The following AMOTL2 variants were observed in gnomAD, a reference collection of about 807,000 sequenced individuals.
The protein encoded by AMOTL2 is angiomotin like 2.
A neutral mutation model predicts 78.4 loss-of-function variants in AMOTL2; 33 were observed. The observed-to-expected ratio is 0.42, with a 90% CI of 0.32 to 0.56. The LOEUF (loss-of-function observed/expected upper bound fraction) is 0.56, where lower values mean the gene tolerates loss of function less well. Among genes scored for constraint, AMOTL2 ranks in the 20% least tolerant of loss-of-function variants. AMOTL2 has a pLI of 0.12. For synonymous variants in AMOTL2, 422 were observed against 428.8 expected, an observed-to-expected ratio of 0.98 and a Z score of 0.20; for missense variants, 983 against 1,030.1, an observed-to-expected ratio of 0.95 and a Z score of 0.63.
rs549894191 is a variant in AMOTL2 at position 134,367,726 on chromosome 3, T to C, written c.812A>G (p.His271Arg). 2 of 1,611,824 alleles carry C rather than the reference T, an allele frequency of 1.2e-6. No individual in the cohort carries two copies. The highest frequency in any genetic ancestry group is 1.7e-5 in the Admixed American group (1 of 59,824). Residue 271 changes from histidine to arginine, a missense_variant, in exon 3 of 10, where the codon CAC becomes CGC. Coordinates refer to ENST00000249883, the MANE Select transcript of AMOTL2 (RefSeq NM_016201.4). ...QYQYLQQSQEHPPPPHPAALG... is the reference protein window; with the variant it reads ...QYQYLQQSQERPPPPHPAALG... ...AGCAGCTGGATGTGGGGGAGGGGGG[T>C]GCTCCTGAGATTGCTGCAGGTACTG...
In AMOTL2 at chr3:134,357,767, G is replaced by T. The variant is rs763549585; in HGVS notation, c.2285-4C>A. ...ACTCTGGATGTAGCTACAGAGTCTG[G>T]AGACAGACAAGAACACAGGCACATG... is the stretch of plus-strand genomic sequence containing the variant. On this transcript the variant is annotated splice_polypyrimidine_tract_variant and splice_region_variant and intron_variant, in intron 9 of 9. Coordinates refer to ENST00000249883, the MANE Select transcript of AMOTL2 (RefSeq NM_016201.4). 6.2e-7 allele frequency: 1 copy of T among 1,614,098 alleles called. No individual in the cohort carries two copies. The highest frequency in any genetic ancestry group is 8.5e-7 in the Non-Finnish European group (1 of 1,179,952).
Position 134,357,292 on chromosome 3 carries a change from G to T in AMOTL2, c.*413C>A. On this transcript the variant is annotated 3_prime_UTR_variant, in exon 10 of 10. Transcript: ENST00000249883. ...CTTGATTAGTGAACCAGTCCACCTG[G>T]TGTCCACGGGCAGCCGTCCGTGGAA... 4.7e-6 allele frequency: 1 copy of T among 210,790 alleles called. No individual in the cohort carries two copies. Among genetic ancestry groups the T allele is most frequent in the Admixed American group, 5.1e-5 (1 of 19,778 alleles). 13.1% of individuals were successfully genotyped at this position (210,790 alleles called of 1,614,324 possible).
upstream of AMOTL2, chr3:134,374,528 G>A (rs2018015539): frequency 2.0e-6 from 2 of 985,516 alleles, no homozygotes; most frequent in Non-Finnish European, 2.4e-6. Flanking sequence ...GAGAGTTTCA[G>A]GTTCCCCCTC....
At chr3:134,361,109 A>T (rs2017338142) in intron 6 of AMOTL2, among the ~76,000 whole-genome samples, 1 of 152,018 alleles carries the variant, frequency 6.6e-6, no homozygotes, top group Admixed American at 6.5e-5. Context: ...GGGAGGTGGA[A>T]GTTGCAGTGA....
rs952211256 is a variant in AMOTL2, at chr3:134,374,428, G to A, written c.-148C>T. 4 of 985,308 alleles carry A rather than the reference G, an allele frequency of 4.1e-6. No individual in the cohort carries two copies. Among genetic ancestry groups the A allele is most frequent in the Admixed American group, 6.1e-5 (1 of 16,266 alleles). The allele number at this position is 985,308 out of a possible 1,614,324, so 61.0% of individuals were successfully genotyped here. On this transcript the variant is annotated 5_prime_UTR_variant, in exon 1 of 10. Transcript: ENST00000249883. ...AGCTCGGCGGCGAAGATGTGTTCTC[G>A]GCCGTGGCGCCGACGCTCTGGCTGT...
In AMOTL2 at chr3:134,367,618, C is replaced by A. The variant is rs762907830; in HGVS notation, c.920G>T (p.Gly307Val). ...VSAQASSATSGSAHLAQMEAV... is the reference protein window; with the variant it reads ...VSAQASSATSVSAHLAQMEAV... ...CTCCATCTGGGCCAGGTGGGCACTG[C>A]CCGAGGTGGCTGAGGAGGCCTGGGC... Residue 307 changes from glycine to valine, a missense_variant, in exon 3 of 10, where the codon GGC becomes GTC. Physicochemically the swap from Gly to Val is moderately radical, Grantham distance 109 (BLOSUM62 -3). Transcript: ENST00000249883. 6.2e-7 allele frequency: 1 copy of A among 1,613,440 alleles called. No individual in the cohort carries two copies. The highest frequency in any genetic ancestry group is 1.1e-5 in the South Asian group (1 of 91,062).
chr3:134,360,407 C>T lies in AMOTL2; in HGVS notation c.1582G>A (p.Ala528Thr), dbSNP rs781416079. The change falls in exon 7 of 10, where the codon GCA (alanine) becomes ACA (threonine). Residue 528 changes from alanine to threonine, a missense_variant. Physicochemically the swap from Ala to Thr is moderately conservative, Grantham distance 58. Coordinates refer to ENST00000249883, the MANE Select transcript of AMOTL2 (RefSeq NM_016201.4). The part of the protein sequence containing the change: ...LKALRAQQRQ[A>T]GAPGGSSGSG... ...CCACTGCTACCACCTGGGGCACCTGCCTGTCTCTGCAGAGCAAGGAGTAGA... is the reference window on the plus strand; with the variant it reads ...CCACTGCTACCACCTGGGGCACCTGTCTGTCTCTGCAGAGCAAGGAGTAGA... 6.2e-7 allele frequency: 1 copy of T among 1,610,390 alleles called. No homozygotes were observed. The highest frequency in any genetic ancestry group is 8.5e-7 in the Non-Finnish European group (1 of 1,178,182).
chr3:134,374,901 C>CTGTGTGTGTGTGTG (rs749884597), upstream of AMOTL2: 6 of 1,170,150 alleles, frequency 5.1e-6, no homozygotes, highest in African/African-American at 5.4e-5. Context: ...GGGACTCCGG[C>CTGTGTGTGTGTGTG]TGTGTGTGTG....
At position 134,371,364 on chromosome 3, in the gene AMOTL2, TGCCGTA is replaced by T; in HGVS notation, c.64_69del (p.Tyr22_Gly23del). Reference sequence around the variant, plus strand: ...AGCAGCGTGCGCGTCTCAGTCAGGTTGCCGTAGCGCAGCTGCTCCTGGATGAGGCGG... The same window carrying T: ...AGCAGCGTGCGCGTCTCAGTCAGGTTGCGCAGCTGCTCCTGGATGAGGCGG... On this transcript the variant is annotated inframe_deletion, in exon 2 of 10. Transcript: ENST00000249883. 1 of 1,610,182 alleles carries T rather than the reference TGCCGTA, an allele frequency of 6.2e-7. No individual in the cohort carries two copies. Among genetic ancestry groups the T allele is most frequent in the Non-Finnish European group, 8.5e-7 (1 of 1,179,998 alleles).
At chr3:134,374,476 A>G (rs2018013649), upstream of AMOTL2, 1 of 985,540 alleles carries the variant, frequency 1.0e-6, no homozygotes, top group Non-Finnish European at 1.2e-6. Flanking sequence ...GCGCAGCCCC[A>G]GGGTCGGCCC....
At position 134,371,056 on chromosome 3, in the gene AMOTL2, T is replaced by C. The variant is rs2017836168; in HGVS notation, c.378A>G (p.Pro126=). 1 of 1,609,860 alleles carries C rather than the reference T, an allele frequency of 6.2e-7. No individual in the cohort carries two copies. Residue 126 remains proline, a synonymous_variant, in exon 2 of 10, where the codon CCA becomes CCG. Transcript: ENST00000249883. ...YYAAQQAGTR[P]HAGDRDPRGA... Reference sequence around the variant, plus strand: ...CACGGGGATCTCGGTCCCCCGCATGTGGCCGGGTCCCTGCCTGCTGGGCCG... The same window carrying C: ...CACGGGGATCTCGGTCCCCCGCATGCGGCCGGGTCCCTGCCTGCTGGGCCG...
At chr3:134,371,589 G>A (rs2017869733) in intron 1 of AMOTL2, 95 bp from the exon 2 acceptor site, 2 of 1,453,062 alleles carry the variant, frequency 1.4e-6, no homozygotes, top group Admixed American at 5.0e-5. Flanking sequence ...TTACTCTGGT[G>A]GAAAGCATAA....
rs753441368 is a variant in AMOTL2, at chr3:134,358,548, G to A, written c.2276C>T (p.Ala759Val). The A allele has an allele frequency of 1.2e-6, 2 of 1,613,340 alleles. No homozygotes were observed. The highest frequency in any genetic ancestry group is 1.7e-6 in the Non-Finnish European group (2 of 1,179,608). ...LLGCSSSQRA[A>V]SLDSVATSRV... ...GGGTCAGGAGGACTTACCCAGAGAG[G>A]CTGCTCTCTGGCTACTGCTGCACCC... is the stretch of plus-strand genomic sequence containing the variant. The change falls in exon 9 of 10, where the codon GCC (alanine) becomes GTC (valine). Residue 759 changes from alanine to valine, a missense_variant. Physicochemically the swap from Ala to Val is moderately conservative, Grantham distance 64. Coordinates refer to ENST00000249883, the MANE Select transcript of AMOTL2 (RefSeq NM_016201.4).
chr3:134,375,305 T>C (rs748271045), upstream of AMOTL2: 10 of 1,450,996 alleles, frequency 6.9e-6, no homozygotes, highest in Non-Finnish European at 5.6e-6. Flanking sequence ...AGTCATCCGA[T>C]TCAGCCCTGC....
chr3:134,358,451 G>T, intron 9 of AMOTL2, 89 bp downstream of exon 9: 2 of 1,466,006 alleles, frequency 1.4e-6, no homozygotes, highest in Non-Finnish European at 1.8e-6. Flanking sequence ...CCCGGAGGGG[G>T]TCTGGGAAGA....
intron 1 of AMOTL2, among the ~76,000 whole-genome samples, chr3:134,372,636 G>A (rs1202026528): frequency 6.6e-6 from 1 of 151,902 alleles, no homozygotes; most frequent in Non-Finnish European, 1.5e-5. Context: ...CATCTTTCTT[G>A]ACATCAGTGT....
At chr3:134,374,879 T>C (rs372284561), upstream of AMOTL2, 32 of 1,246,308 alleles carry the variant, frequency 2.6e-5, no homozygotes, top group South Asian at 5.6e-4. Flanking sequence ...TGTCCTGGGG[T>C]TGCTGCGGGA....
chr3:134,362,244 G>A (rs1039012457), intron 5 of AMOTL2, among the ~76,000 whole-genome samples: 1 of 152,232 alleles, frequency 6.6e-6, no homozygotes. Flanking sequence ...CCTCCTTCCA[G>A]TGGGAGAATG....
At position 134,361,682 on chromosome 3, in the gene AMOTL2, C is replaced by T. The variant is rs764184199; in HGVS notation, c.1405G>A (p.Ala469Thr). Reference protein sequence around the residue: ...EQALGNAQGRAARAEEELRKK... With the variant: ...EQALGNAQGRTARAEEELRKK... The stretch of plus-strand genomic sequence containing the variant: ...CGCAGCTCCTCTTCGGCTCGAGCTG[C>T]CCGGCCCTGCGCATTGCCCAGAGCC... The change falls in exon 6 of 10, where the codon GCA becomes ACA. Residue 469 changes from alanine (A) to threonine (T), a missense_variant. Physicochemically the swap from Ala to Thr is moderately conservative, Grantham distance 58. Coordinates refer to ENST00000249883, the MANE Select transcript of AMOTL2 (RefSeq NM_016201.4). 1 of 1,611,302 alleles carries T rather than the reference C, an allele frequency of 6.2e-7. No individual in the cohort carries two copies. Among genetic ancestry groups the T allele is most frequent in the South Asian group, 1.1e-5 (1 of 91,080 alleles).
Sources: gnomAD v4.1 joint callset for allele counts (sites outside exome capture counted in the v4.1 genomes callset) on GRCh38, gnomAD v4.1.1 for gene constraint, MANE v1.5 for transcripts, NCBI Gene and HGNC (gene_info 2026-07-23, HGNC 2026-07-21) for gene names.